SLC41A3: variants seen among roughly 807,000 people sequenced by gnomAD.
SLC41A3 encodes the protein solute carrier family 41 member 3.
Under a neutral mutation model 45.4 loss-of-function variants are expected in SLC41A3, and 44 were observed. The observed-to-expected ratio is 0.97, with a 90% CI of 0.76 to 1.25. SLC41A3 has a LOEUF of 1.25. SLC41A3 is among the 50% of genes most tolerant of loss of function. SLC41A3 has a pLI of 0.00. For synonymous variants in SLC41A3, 256 were observed against 252.4 expected (o/e 1.01, Z -0.13); for missense variants, 550 against 600.6 (o/e 0.92, Z 0.88).
At chr3:126,060,368 G>A (rs547553752) in intron 2 of SLC41A3, among the ~76,000 whole-genome samples, 2 of 152,022 alleles carry the variant, frequency 1.3e-5, no homozygotes, top group Non-Finnish European at 2.9e-5. Context: ...GCGGTGAGCT[G>A]AGATCATGCC....
At chr3:126,095,646 A>G (rs1474890324) in intron 1 of SLC41A3, among the ~76,000 whole-genome samples, 1 of 152,232 alleles carries the variant, frequency 6.6e-6, no homozygotes. Context: ...CCTATAATTG[A>G]GGCATACAGC....
At chr3:126,039,337 T>C (rs980653756) in intron 3 of SLC41A3, among the ~76,000 whole-genome samples, 1 of 152,240 alleles carries the variant, frequency 6.6e-6, no homozygotes, top group Non-Finnish European at 1.5e-5. Context: ...GGATTGCCCA[T>C]TGCATTTAGC....
At chr3:126,031,254 AT>A in intron 4 of SLC41A3, among the ~76,000 whole-genome samples, 1 of 152,376 alleles carries the variant, frequency 6.6e-6, no homozygotes, top group Admixed American at 6.5e-5. Flanking sequence ...TAATTATTTA[AT>A]ACTAAGAAAT....
At chr3:126,098,930 T>G (rs1377796623) in intron 1 of SLC41A3, among the ~76,000 whole-genome samples, 1 of 99,012 alleles carries the variant, frequency 1.0e-5, no homozygotes, top group Non-Finnish European at 2.4e-5. Context: ...CCTGGCTTTT[T>G]TTTTTTTTTT....
chr3:126,059,257 A>AG (rs1943876631), intron 2 of SLC41A3, among the ~76,000 whole-genome samples: 1 of 6,158 alleles, frequency 1.6e-4, no homozygotes, highest in African/African-American at 4.2e-4. Context: ...GAAAGAAAGA[A>AG]AGAAAGAAGA....
upstream of SLC41A3, among the ~76,000 whole-genome samples, chr3:126,089,168 G>A (rs7640158): frequency 0.17 from 26,202 of 152,084 alleles, 2,380 homozygotes; most frequent in Middle Eastern, 0.27. Flanking sequence ...GGGGGTTGAG[G>A]GGGTCCCTTT....
chr3:126,017,650 C>T (rs1430467728), intron 6 of SLC41A3, among the ~76,000 whole-genome samples: 2 of 152,234 alleles, frequency 1.3e-5, no homozygotes, highest in East Asian at 3.9e-4. Context: ...GAGTGGTCGT[C>T]TCACCCTCAG....
At chr3:126,080,913 T>C (rs1559891772) in intron 1 of SLC41A3, among the ~76,000 whole-genome samples, 2 of 151,360 alleles carry the variant, frequency 1.3e-5, no homozygotes, top group African/African-American at 2.4e-5. Context: ...ATTGTGCCAC[T>C]GCACTCTAGC....
At chr3:126,021,213 CCCT>C (rs1043903334) in intron 6 of SLC41A3, among the ~76,000 whole-genome samples, 1 of 143,666 alleles carries the variant, frequency 7.0e-6, no homozygotes, top group African/African-American at 2.6e-5. Context: ...TTTTTATACC[CCCT>C]ATCTTTTCCT....
At chr3:126,057,493 C>A (rs1943746115) in intron 2 of SLC41A3, among the ~76,000 whole-genome samples, 1 of 152,214 alleles carries the variant, frequency 6.6e-6, no homozygotes, top group African/African-American at 2.4e-5. Flanking sequence ...CAGGCAGAAG[C>A]CCGAAGCTGG....
At chr3:126,056,271 C>T in intron 2 of SLC41A3, 1 of 1,520,652 alleles carries the variant, frequency 6.6e-7, no homozygotes, top group Non-Finnish European at 8.9e-7. Context: ...AGAGGCCCCT[C>T]ATGTCTCCAG....
Position 126,026,316 on chromosome 3 carries a change from C to A in SLC41A3, c.598+19G>T, listed in dbSNP as rs776446515. 6.4e-7 allele frequency: 1 copy of A among 1,554,798 alleles called. No individual in the cohort carries two copies. Among genetic ancestry groups the A allele is most frequent in the East Asian group, 2.4e-5 (1 of 41,414 alleles). ...GGAGCAGGGAGCGGGTGGGGGCTCA[C>A]AGCTGGGGCATGGCTCACCCAGGGC... On this transcript the variant is annotated intron_variant, in intron 5 of 10. Coordinates refer to ENST00000360370, the MANE Select transcript of SLC41A3 (RefSeq NM_017836.4). The surrounding 1 kb of genome is among the most constrained non-coding windows in gnomAD (Gnocchi z 4.2).
intron 1 of SLC41A3, among the ~76,000 whole-genome samples, chr3:126,068,866 G>A (rs939133993): frequency 2.6e-5 from 4 of 152,102 alleles, no homozygotes; most frequent in Non-Finnish European, 4.4e-5. Flanking sequence ...CCACTTGGAG[G>A]GCTGTCTGTA....
chr3:126,092,701 A>G (rs562286854), intron 1 of SLC41A3: 1 of 152,622 alleles, frequency 6.6e-6, no homozygotes, highest in African/African-American at 2.4e-5. Context: ...ACACCCGAGT[A>G]CTCTTAAAGC....
intron 1 of SLC41A3, among the ~76,000 whole-genome samples, chr3:126,096,350 C>T (rs979126269): frequency 1.3e-5 from 2 of 151,754 alleles, no homozygotes; most frequent in Non-Finnish European, 2.9e-5. Flanking sequence ...TATCAATTTG[C>T]AAATCAAAAA....
intron 3 of SLC41A3, among the ~76,000 whole-genome samples, chr3:126,048,150 A>G (rs1303772975): frequency 6.6e-6 from 1 of 152,234 alleles, no homozygotes; most frequent in East Asian, 1.9e-4. Context: ...TAGTTATTAG[A>G]AAAATTTGTA....
chr3:126,036,261 C>G (rs1942181456), intron 3 of SLC41A3, among the ~76,000 whole-genome samples: 1 of 152,264 alleles, frequency 6.6e-6, no homozygotes, highest in Non-Finnish European at 1.5e-5. Flanking sequence ...CTCTCCCTTG[C>G]ACCAGCTCTG....
At chr3:126,067,815 T>C (rs933370682) in intron 2 of SLC41A3, 132 bp downstream of exon 2, 2 of 1,152,144 alleles carry the variant, frequency 1.7e-6, no homozygotes, top group Non-Finnish European at 2.4e-6. Context: ...TTGCCCAATA[T>C]ATAGAAAAAA....
chr3:126,073,408 C>G (rs1158682366), intron 1 of SLC41A3: 1 of 152,338 alleles, frequency 6.6e-6, no homozygotes, highest in African/African-American at 2.4e-5. Context: ...GCACTCCAGC[C>G]TGGGTGGCAG....
Sources: gnomAD v4.1 joint callset for allele counts (sites outside exome capture counted in the v4.1 genomes callset) on GRCh38, gnomAD v4.1.1 for gene constraint, Gnocchi (gnomAD v3.1) non-coding constraint, MANE v1.5 for transcripts, NCBI Gene and HGNC (gene_info 2026-07-23, HGNC 2026-07-21) for gene names.